NLGN1: variants seen among roughly 807,000 people sequenced by gnomAD.
NLGN1 encodes neuroligin-1.
Under a neutral mutation model 65.5 loss-of-function variants are expected in NLGN1, and 12 were observed. The ratio of observed to expected loss-of-function variants is 0.18; its 90% confidence interval spans 0.12 to 0.30. The LOEUF (loss-of-function observed/expected upper bound fraction) is 0.30, where lower values mean the gene tolerates loss of function less well. Among genes scored for constraint, NLGN1 ranks in the 10% least tolerant of loss-of-function variants. The probability of loss-of-function intolerance (pLI) is 1.00; values close to 1 mark genes in which losing one functional copy is unlikely to be tolerated. For synonymous variants in NLGN1, 350 were observed against 359.5 expected (o/e 0.97, Z 0.30); for missense variants, 750 against 1,007.1 (o/e 0.74, Z 3.46).
chr3:174,133,560 C>T (rs1170463285), intron 4 of NLGN1, among the ~76,000 whole-genome samples: 1 of 152,038 alleles, frequency 6.6e-6, no homozygotes, highest in Non-Finnish European at 1.5e-5. Flanking sequence ...AGTATGATGA[C>T]AAGGAGGTTG....
chr3:173,444,679 G>A (rs1360010524), intron 2 of NLGN1, among the ~76,000 whole-genome samples: 1 of 151,852 alleles, frequency 6.6e-6, no homozygotes, highest in Non-Finnish European at 1.5e-5. Context: ...TATATTTCCT[G>A]GCCTCAACGG....
At chr3:173,801,190 A>T (rs1428284238) in intron 3 of NLGN1, among the ~76,000 whole-genome samples, 1 of 152,012 alleles carries the variant, frequency 6.6e-6, no homozygotes, top group Non-Finnish European at 1.5e-5. Flanking sequence ...TTCATTTGAC[A>T]TACAATTCTG....
downstream of NLGN1, among the ~76,000 whole-genome samples, chr3:174,289,172 CA>C (rs2152902909): frequency 6.6e-6 from 1 of 151,452 alleles, no homozygotes; most frequent in African/African-American, 2.4e-5. Flanking sequence ...CTGACAAAAG[CA>C]AAAGATGACA....
chr3:173,929,544 T>C (rs1743657038), intron 4 of NLGN1, among the ~76,000 whole-genome samples: 1 of 145,064 alleles, frequency 6.9e-6, no homozygotes, highest in South Asian at 2.2e-4. Flanking sequence ...GTAGTTACAA[T>C]GGAATATTTT....
intron 4 of NLGN1, among the ~76,000 whole-genome samples, chr3:173,842,867 T>G (rs1177777807): frequency 1.3e-5 from 2 of 152,166 alleles, no homozygotes; most frequent in African/African-American, 2.4e-5. Flanking sequence ...ACAGCTCCAC[T>G]AGGCAGTGCC....
At chr3:174,135,746 T>C (rs1411454794) in intron 4 of NLGN1, among the ~76,000 whole-genome samples, 1 of 152,114 alleles carries the variant, frequency 6.6e-6, no homozygotes, top group Admixed American at 6.5e-5. Flanking sequence ...AAAAATTGAA[T>C]TTTATATACT....
chr3:173,815,177 A>G (rs1718782712), intron 4 of NLGN1, among the ~76,000 whole-genome samples: 1 of 147,018 alleles, frequency 6.8e-6, no homozygotes, highest in African/African-American at 2.5e-5. Context: ...GCTGGAGTGC[A>G]GTGGCTCACT....
intron 4 of NLGN1, among the ~76,000 whole-genome samples, chr3:173,855,097 G>A (rs1167200400): frequency 6.6e-6 from 1 of 152,034 alleles, no homozygotes; most frequent in East Asian, 1.9e-4. Context: ...CACTTTAGAC[G>A]CTTTAACAGT....
At chr3:173,810,009 C>G (rs1717536887) in intron 4 of NLGN1, among the ~76,000 whole-genome samples, 1 of 152,144 alleles carries the variant, frequency 6.6e-6, no homozygotes, top group South Asian at 2.1e-4. Context: ...GATAACAAGC[C>G]AAAGGCTGTC....
chr3:173,929,631 TGAGA>T (rs1298579309), intron 4 of NLGN1, among the ~76,000 whole-genome samples: 1 of 150,980 alleles, frequency 6.6e-6, no homozygotes, highest in Non-Finnish European at 1.5e-5. Flanking sequence ...AAATATTTTC[TGAGA>T]GAAACAAATC....
At chr3:173,969,921 A>G (rs1322309502) in intron 4 of NLGN1, among the ~76,000 whole-genome samples, 1 of 152,028 alleles carries the variant, frequency 6.6e-6, no homozygotes. Flanking sequence ...CTTAAAAAAA[A>G]AAAAGATCTA....
chr3:174,003,316 A>G (rs1156853043), intron 4 of NLGN1, among the ~76,000 whole-genome samples: 2 of 152,142 alleles, frequency 1.3e-5, no homozygotes, highest in Non-Finnish European at 2.9e-5. Flanking sequence ...AATTTAATTG[A>G]TAGCTTCACT....
intron 4 of NLGN1, among the ~76,000 whole-genome samples, chr3:173,902,219 C>T (rs1394106994): frequency 1.3e-5 from 2 of 151,936 alleles, no homozygotes; most frequent in Non-Finnish European, 2.9e-5. Flanking sequence ...ATAGTTTTTC[C>T]ACTCCTCCTG....
At chr3:173,395,993 G>A (rs116484915), upstream of NLGN1, among the ~76,000 whole-genome samples, 2,765 of 152,190 alleles carry the variant, frequency 0.018, 88 homozygotes, top group African/African-American at 0.063. Context: ...AGGGGAGAGG[G>A]AGAGAGAGAA....
At chr3:173,491,323 A>C (rs879417596) in intron 2 of NLGN1, among the ~76,000 whole-genome samples, 1 of 151,824 alleles carries the variant, frequency 6.6e-6, no homozygotes, top group African/African-American at 2.4e-5. Flanking sequence ...GAATTTTGTC[A>C]AAGGCCTTTT....
intron 2 of NLGN1, among the ~76,000 whole-genome samples, chr3:173,518,541 T>TGC (rs1734240840): frequency 6.6e-6 from 1 of 151,536 alleles, no homozygotes; most frequent in Admixed American, 6.6e-5. Flanking sequence ...TGTGTGTGTG[T>TGC]GTGTGCATGC....
chr3:174,086,667 A>AT (rs1403006383), intron 4 of NLGN1, among the ~76,000 whole-genome samples: 3 of 151,868 alleles, frequency 2.0e-5, no homozygotes, highest in Non-Finnish European at 2.9e-5. Context: ...AATTTATGGA[A>AT]TTTTTTCCTC....
At chr3:173,648,583 C>CT (rs963137738) in intron 3 of NLGN1, among the ~76,000 whole-genome samples, 25 of 147,810 alleles carry the variant, frequency 1.7e-4, no homozygotes, top group African/African-American at 4.7e-4. Flanking sequence ...TTCTTTCTTT[C>CT]TTTTTTTTTT....
At chr3:173,496,261 G>A (rs540174500) in intron 2 of NLGN1, among the ~76,000 whole-genome samples, 1 of 151,858 alleles carries the variant, frequency 6.6e-6, no homozygotes, top group Admixed American at 6.6e-5. Flanking sequence ...CTTAAGTGAT[G>A]CCAATACTGC....
Sources: allele counts gnomAD v4.1 joint callset (sites outside exome capture counted in the v4.1 genomes callset), GRCh38; gene constraint gnomAD v4.1.1; transcripts MANE v1.5; gene names NCBI Gene and HGNC (gene_info 2026-07-23, HGNC 2026-07-21).